Variants in FARS2 observed in about 807,000 individuals in gnomAD.
FARS2 encodes the protein phenylalanyl-tRNA synthetase 2, mitochondrial, also known as phenylalanine--tRNA ligase, mitochondrial.
Under a neutral mutation model 46.4 loss-of-function variants are expected in FARS2, and 40 were observed. The observed-to-expected ratio is 0.86, with a 90% CI of 0.67 to 1.12. The LOEUF (loss-of-function observed/expected upper bound fraction) is 1.12, where lower values mean the gene tolerates loss of function less well. FARS2 is among the 50% of genes most tolerant of loss of function. FARS2 has a pLI of 0.00. For missense variants in FARS2, 513 were observed against 567.9 expected, an observed-to-expected ratio of 0.90 and a Z score of 0.98; for synonymous variants, 234 against 214.9, an observed-to-expected ratio of 1.09 and a Z score of -0.78.
intron 6 of FARS2, among the ~76,000 whole-genome samples, chr6:5,747,015 G>A (rs927082100): frequency 1.3e-5 from 2 of 152,182 alleles, no homozygotes; most frequent in African/African-American, 4.8e-5. Flanking sequence ...TGCAGGAGTG[G>A]GCCAGATGGA....
chr6:5,419,050 A>G (rs1252667482), intron 3 of FARS2, among the ~76,000 whole-genome samples: 2 of 151,868 alleles, frequency 1.3e-5, no homozygotes, highest in Non-Finnish European at 2.9e-5. Context: ...CGCCTTCATT[A>G]TATTCTTACA....
intron 1 of FARS2, among the ~76,000 whole-genome samples, chr6:5,308,125 C>G (rs970110449): frequency 7.4e-6 from 1 of 134,812 alleles, no homozygotes; most frequent in African/African-American, 3.7e-5. Flanking sequence ...ATTCTTCTTC[C>G]TCTCTTTTTT....
chr6:5,623,728 T>A (rs577206133), intron 6 of FARS2, among the ~76,000 whole-genome samples: 1,294 of 124,162 alleles, frequency 0.01, 48 homozygotes, highest in African/African-American at 0.065. Context: ...AATAAATAAA[T>A]AAAATAAAGA....
chr6:5,470,884 A>G (rs1178477052), intron 4 of FARS2, among the ~76,000 whole-genome samples: 2 of 152,214 alleles, frequency 1.3e-5, no homozygotes, highest in Non-Finnish European at 2.9e-5. Context: ...TCATGATACA[A>G]AATTGAGCAC....
At chr6:5,251,647 C>G in the FARS2 span, among the ~76,000 whole-genome samples, 1 of 152,166 alleles carries the variant, frequency 6.6e-6, no homozygotes, top group African/African-American at 2.4e-5. Flanking sequence ...AACCTGCCCC[C>G]ATGATCCAAT....
chr6:5,423,815 C>T (rs966931372), intron 3 of FARS2, among the ~76,000 whole-genome samples: 5 of 152,138 alleles, frequency 3.3e-5, no homozygotes, highest in Non-Finnish European at 5.9e-5. Context: ...TAAAGAGTCA[C>T]AGTGGTGGCA....
intron 4 of FARS2, among the ~76,000 whole-genome samples, chr6:5,472,339 A>G (rs1260009902): frequency 6.6e-6 from 1 of 152,194 alleles, no homozygotes; most frequent in East Asian, 1.9e-4. Context: ...TGTGATGGAC[A>G]ATGTGATTAA....
chr6:5,683,264 G>A (rs948754525), intron 6 of FARS2, among the ~76,000 whole-genome samples: 1 of 152,194 alleles, frequency 6.6e-6, no homozygotes, highest in Admixed American at 6.5e-5. Context: ...TCTGAAGGCA[G>A]AATGCACAGG....
At chr6:5,602,803 T>C (rs1468928362) in intron 5 of FARS2, among the ~76,000 whole-genome samples, 1 of 152,040 alleles carries the variant, frequency 6.6e-6, no homozygotes, top group Non-Finnish European at 1.5e-5. Flanking sequence ...TTTTTACCCC[T>C]CCCCTCCTCA....
upstream of FARS2, among the ~76,000 whole-genome samples, chr6:5,256,814 T>C (rs1487068248): frequency 1.3e-5 from 2 of 152,152 alleles, no homozygotes; most frequent in Admixed American, 1.3e-4. Context: ...GCTAGTTCTG[T>C]ATTACCTGAG....
chr6:5,453,689 C>G (rs1463145387), intron 4 of FARS2, among the ~76,000 whole-genome samples: 3 of 152,218 alleles, frequency 2.0e-5, no homozygotes, highest in Admixed American at 1.3e-4. Flanking sequence ...ACCAGTCGTT[C>G]TACTGGTGAG....
At chr6:5,479,785 G>T (rs966943115) in intron 4 of FARS2, among the ~76,000 whole-genome samples, 2 of 152,160 alleles carry the variant, frequency 1.3e-5, no homozygotes, top group African/African-American at 4.8e-5. Context: ...CAACTTAATT[G>T]TATGGTTAGG....
intron 6 of FARS2, among the ~76,000 whole-genome samples, chr6:5,662,591 G>T (rs1387725414): frequency 1.3e-5 from 2 of 152,186 alleles, no homozygotes; most frequent in African/African-American, 2.4e-5. Flanking sequence ...TCAGGGACGG[G>T]TGTCTCTAGA....
At chr6:5,257,043 C>T (rs1205910669), upstream of FARS2, among the ~76,000 whole-genome samples, 1 of 152,182 alleles carries the variant, frequency 6.6e-6, no homozygotes, top group African/African-American at 2.4e-5. Flanking sequence ...CTCTACTCTG[C>T]ACTGTTGTAA....
In FARS2 at chr6:5,630,427, G is replaced by T. The variant is rs1458885666; in HGVS notation, c.1217+17107G>T. Among the ~76,000 whole-genome samples the T allele has an allele frequency of 1.3e-5, 2 of 152,194 alleles. No individual in the cohort carries two copies. The highest frequency in any genetic ancestry group is 4.8e-5 in the African/African-American group (2 of 41,444). Reference sequence around the variant, plus strand: ...TGTTTCTTTAAATATCCCACCCGTTGTGTCTTTACTTGTATTTATTCCACA... The same window carrying T: ...TGTTTCTTTAAATATCCCACCCGTTTTGTCTTTACTTGTATTTATTCCACA... On this transcript the variant is annotated intron_variant, in intron 6 of 6. Transcript: ENST00000274680. The surrounding 1 kb of genome is among the most constrained non-coding windows in gnomAD (Gnocchi z 4.2).
chr6:5,411,020 T>A lies in FARS2; in HGVS notation c.772+6319T>A, dbSNP rs552876852. Among the ~76,000 whole-genome samples the A allele has an allele frequency of 7.2e-4, 110 of 152,276 alleles. 1 individual carries two copies. Among genetic ancestry groups the A allele is most frequent in the Non-Finnish European group, 6.0e-4 (41 of 68,024 alleles). The stretch of plus-strand genomic sequence containing the variant: ...CTGACTTCTAAGGCCATACCAGAAG[T>A]TAGCTTTTGGATAGGATACAAAGAA... On this transcript the variant is annotated intron_variant, in intron 3 of 6. Transcript: ENST00000274680.
At chr6:5,769,044 G>C (rs1010928789) in intron 6 of FARS2, among the ~76,000 whole-genome samples, 1 of 152,010 alleles carries the variant, frequency 6.6e-6, no homozygotes, top group South Asian at 2.1e-4. Context: ...ATCTAAGGAG[G>C]TTTTGCCTAT....
chr6:5,414,533 T>G (rs1762109551), intron 3 of FARS2, among the ~76,000 whole-genome samples: 1 of 152,228 alleles, frequency 6.6e-6, no homozygotes, highest in East Asian at 1.9e-4. Flanking sequence ...CTCTGGCTTC[T>G]TTCACTCAGC....
At chr6:5,758,581 A>G (rs1394081433) in intron 6 of FARS2, among the ~76,000 whole-genome samples, 2 of 152,140 alleles carry the variant, frequency 1.3e-5, no homozygotes, top group Non-Finnish European at 2.9e-5. Context: ...GACCTCCTCA[A>G]CCAACCTGTT....
Sources: gnomAD v4.1 joint callset for allele counts (sites outside exome capture counted in the v4.1 genomes callset) on GRCh38, gnomAD v4.1.1 for gene constraint, Gnocchi (gnomAD v3.1) non-coding constraint, MANE v1.5 for transcripts, NCBI Gene and HGNC (gene_info 2026-07-23, HGNC 2026-07-21) for gene names.